Variants in OPCML observed in about 807,000 individuals in gnomAD.
OPCML encodes opioid-binding protein/cell adhesion molecule.
Under a neutral mutation model 37.8 loss-of-function variants are expected in OPCML, and 13 were observed. The ratio of observed to expected loss-of-function variants is 0.34; its 90% confidence interval spans 0.22 to 0.55. OPCML has a LOEUF of 0.55. OPCML is among the 20% of genes least tolerant of loss of function. OPCML has a pLI of 0.91. For synonymous variants in OPCML, 176 were observed against 168.8 expected (o/e 1.04, Z -0.33); for missense variants, 341 against 435.6 (o/e 0.78, Z 1.93).
intron 1 of OPCML, among the ~76,000 whole-genome samples, chr11:133,251,896 CA>C (rs1157160952): frequency 6.6e-6 from 1 of 152,118 alleles, no homozygotes; most frequent in Admixed American, 6.5e-5. Flanking sequence ...ATATTTCAGG[CA>C]GTGCAAAATG....
At chr11:132,479,669 T>G (rs1054019778) in intron 4 of OPCML, among the ~76,000 whole-genome samples, 1 of 152,160 alleles carries the variant, frequency 6.6e-6, no homozygotes, top group Non-Finnish European at 1.5e-5. Flanking sequence ...AGTACGCAGC[T>G]GGAGATCTGA....
At chr11:132,691,128 A>T (rs1341359721) in intron 2 of OPCML, among the ~76,000 whole-genome samples, 1 of 152,224 alleles carries the variant, frequency 6.6e-6, no homozygotes, top group Non-Finnish European at 1.5e-5. Context: ...CCACTTAAAT[A>T]TAAGGAAACG....
intron 1 of OPCML, among the ~76,000 whole-genome samples, chr11:133,050,789 G>A (rs1418131387): frequency 4.0e-5 from 6 of 150,494 alleles, no homozygotes; most frequent in African/African-American, 1.5e-4. Flanking sequence ...GTAAGTTTGT[G>A]CAACAATCCC....
chr11:133,486,837 T>TC (rs1003698535), intron 1 of OPCML, among the ~76,000 whole-genome samples: 13 of 140,220 alleles, frequency 9.3e-5, no homozygotes, highest in African/African-American at 3.7e-4. Flanking sequence ...TCTCGCTCTC[T>TC]CCCCCCCTTC....
At chr11:133,079,326 T>C (rs1460333232) in intron 1 of OPCML, among the ~76,000 whole-genome samples, 1 of 152,066 alleles carries the variant, frequency 6.6e-6, no homozygotes, top group African/African-American at 2.4e-5. Context: ...TTTCCGGAGG[T>C]GCTCAAGGCC....
intron 1 of OPCML, among the ~76,000 whole-genome samples, chr11:133,147,413 G>A (rs928830598): frequency 6.6e-6 from 1 of 152,060 alleles, no homozygotes; most frequent in African/African-American, 2.4e-5. Context: ...TCTGGGAGGT[G>A]CATCTTGAGC....
chr11:132,721,412 G>C (rs539538093), intron 2 of OPCML, among the ~76,000 whole-genome samples: 1 of 152,266 alleles, frequency 6.6e-6, no homozygotes, highest in South Asian at 2.1e-4. Flanking sequence ...CGGAGGAACA[G>C]CCTGGTAAGG....
intron 3 of OPCML, among the ~76,000 whole-genome samples, chr11:132,640,377 G>T (rs561549099): frequency 2.0e-5 from 3 of 152,250 alleles, no homozygotes; most frequent in African/African-American, 7.2e-5. Context: ...AGAGCCAAGG[G>T]AGAAAGGATT....
At chr11:132,765,907 T>C (rs892438066) in intron 2 of OPCML, among the ~76,000 whole-genome samples, 3 of 152,086 alleles carry the variant, frequency 2.0e-5, no homozygotes, top group African/African-American at 7.2e-5. Context: ...CAGAAGTGCG[T>C]CTAAAATGTT....
rs565532723 is a variant in OPCML at position 132,437,558 on chromosome 11, C to T, written c.506-199G>A. The stretch of plus-strand genomic sequence containing the variant: ...AAAGAAATTCTGTGCTTGAGTCTTG[C>T]ATCAATGTATTTTCAGTCAAGTCAC... On this transcript the variant is annotated intron_variant, in intron 4 of 7. Coordinates refer to ENST00000524381, the MANE Select transcript of OPCML (RefSeq NM_001012393.5). 5.0e-6 allele frequency: 4 copies of T among 795,024 alleles called. 1 individual carries two copies. The South Asian group carries it at 1.7e-4, about 34-fold the overall frequency. The allele number at this position is 795,024 out of a possible 1,614,324, so 49.2% of individuals were successfully genotyped here.
At chr11:132,911,025 C>T (rs928667626) in intron 2 of OPCML, among the ~76,000 whole-genome samples, 10 of 152,200 alleles carry the variant, frequency 6.6e-5, no homozygotes, top group Admixed American at 6.5e-4. Context: ...AAACTGAGAA[C>T]GTTAAGCAAC....
intron 3 of OPCML, among the ~76,000 whole-genome samples, chr11:132,576,259 CTCT>C (rs201366582): frequency 1.5e-5 from 2 of 132,824 alleles, no homozygotes; most frequent in Admixed American, 7.6e-5. Flanking sequence ...CTTTCTTTCT[CTCT>C]TCTTCTTTAA....
chr11:133,289,655 G>A (rs1209998853), intron 1 of OPCML, among the ~76,000 whole-genome samples: 1 of 151,782 alleles, frequency 6.6e-6, no homozygotes, highest in East Asian at 1.9e-4. Flanking sequence ...CATCAGTACG[G>A]TCTTAGAGAC....
chr11:133,431,622 T>G (rs1043262305), intron 1 of OPCML, among the ~76,000 whole-genome samples: 2 of 151,806 alleles, frequency 1.3e-5, no homozygotes, highest in Admixed American at 6.6e-5. Context: ...TGTGCCACCA[T>G]GCCCAGCTAA....
At chr11:132,794,235 A>G (rs1938146764) in intron 2 of OPCML, among the ~76,000 whole-genome samples, 1 of 152,156 alleles carries the variant, frequency 6.6e-6, no homozygotes, top group Non-Finnish European at 1.5e-5. Context: ...TACACTGAGC[A>G]TATTTCAGCA....
Position 132,571,186 on chromosome 11 carries a change from T to C in OPCML, c.380-42000A>G, listed in dbSNP as rs374116697. Among the ~76,000 whole-genome samples the C allele has an allele frequency of 3.0e-4, 45 of 152,174 alleles. No individual in the cohort carries two copies. The South Asian group carries it at 8.1e-3, about 27-fold the overall frequency. On this transcript the variant is annotated intron_variant, in intron 3 of 7. Coordinates refer to ENST00000524381, the MANE Select transcript of OPCML (RefSeq NM_001012393.5). ...TTCAGGTTCTTTGGCCTTTGGACTC[T>C]GGGACTTAACACCAGTGGTTTGCTG...
At chr11:133,392,636 G>C (rs1430438113) in intron 1 of OPCML, among the ~76,000 whole-genome samples, 3 of 152,208 alleles carry the variant, frequency 2.0e-5, no homozygotes, top group African/African-American at 7.2e-5. Flanking sequence ...TGAGGCTTGT[G>C]ACTTAGCTCC....
chr11:132,701,313 G>T lies in OPCML; in HGVS notation c.147-43994C>A, dbSNP rs186591832. Among the ~76,000 whole-genome samples the T allele has an allele frequency of 5.6e-4, 85 of 152,240 alleles. 1 individual carries two copies. Among genetic ancestry groups the T allele is most frequent in the African/African-American group, 2.0e-3 (82 of 41,546 alleles). On this transcript the variant is annotated intron_variant, in intron 2 of 7. Transcript: ENST00000524381. ...TTGACCCCATGATTCAATTATCTCT[G>T]CCTGGCCCCACCCTTGACACATGGG...
chr11:133,465,280 A>C (rs1161645849), intron 1 of OPCML, among the ~76,000 whole-genome samples: 1 of 152,056 alleles, frequency 6.6e-6, no homozygotes, highest in Non-Finnish European at 1.5e-5. Context: ...CTGACCCCAT[A>C]ACCCTCCTCC....
Sources: allele counts gnomAD v4.1 joint callset (sites outside exome capture counted in the v4.1 genomes callset), GRCh38; gene constraint gnomAD v4.1.1; transcripts MANE v1.5; gene names NCBI Gene and HGNC (gene_info 2026-07-23, HGNC 2026-07-21).